The following PRKG1 variants were observed in gnomAD, a reference collection of about 807,000 sequenced individuals.
PRKG1 encodes the protein cGMP-dependent protein kinase 1.
A neutral mutation model predicts 88.1 loss-of-function variants in PRKG1; 35 were observed. That is an observed-to-expected ratio of 0.40 (90% CI 0.30 to 0.53). The LOEUF (loss-of-function observed/expected upper bound fraction) is 0.53, where lower values mean the gene tolerates loss of function less well. PRKG1 is among the 20% of genes least tolerant of loss of function. The pLI, the probability that PRKG1 is intolerant of heterozygous loss-of-function variation, is 0.59. For missense variants in PRKG1, 540 were observed against 839.8 expected (o/e 0.64, Z 4.41); for synonymous variants, 303 against 292.5 (o/e 1.04, Z -0.37).
intron 3 of PRKG1, among the ~76,000 whole-genome samples, chr10:51,470,753 T>G (rs1440872149): frequency 6.6e-6 from 1 of 151,926 alleles, no homozygotes; most frequent in Non-Finnish European, 1.5e-5. Flanking sequence ...AGTAGTTTTC[T>G]TACTAAAGCT....
chr10:51,581,219 G>A (rs1341597830), intron 3 of PRKG1, among the ~76,000 whole-genome samples: 1 of 152,164 alleles, frequency 6.6e-6, no homozygotes, highest in Non-Finnish European at 1.5e-5. Flanking sequence ...ACAATATAGT[G>A]TGTGCATCAG....
In PRKG1 at chr10:51,214,197, C is replaced by T. The variant is rs761853886; in HGVS notation, c.478+60867C>T. Among the ~76,000 whole-genome samples, 139 of 152,092 alleles carry T rather than the reference C, an allele frequency of 9.1e-4. 1 individual carries two copies. The highest frequency in any genetic ancestry group is 1.6e-3 in the Non-Finnish European group (112 of 68,024). On this transcript the variant is annotated intron_variant, in intron 2 of 17. Transcript: ENST00000373980. ...ATATTATATATATGTCACCTATGTA[C>T]ACATATGTACATACACATGTATGAT...
intron 7 of PRKG1, among the ~76,000 whole-genome samples, chr10:52,105,506 G>A (rs535760111): frequency 1.3e-5 from 2 of 152,120 alleles, no homozygotes; most frequent in South Asian, 4.1e-4. Flanking sequence ...GTGCTATGCC[G>A]GACTGCAGAG....
intron 2 of PRKG1, among the ~76,000 whole-genome samples, chr10:51,407,669 A>G (rs551349920): frequency 1.3e-5 from 2 of 152,292 alleles, no homozygotes; most frequent in South Asian, 2.1e-4. Flanking sequence ...TTCCTGGTTG[A>G]GTGACCTAAA....
intron 2 of PRKG1, among the ~76,000 whole-genome samples, chr10:51,348,950 G>GAGCTA (rs1842175914): frequency 6.6e-6 from 1 of 152,210 alleles, no homozygotes; most frequent in Middle Eastern, 3.4e-3. Context: ...GTGAAATCCG[G>GAGCTA]AGCTAGGAAG....
intron 4 of PRKG1, among the ~76,000 whole-genome samples, chr10:51,817,347 A>ACG (rs570863275): frequency 7.7e-6 from 1 of 129,590 alleles, no homozygotes; most frequent in Non-Finnish European, 1.7e-5. Flanking sequence ...TCCCTCCCCA[A>ACG]CCCCCCCCCT....
At chr10:51,628,895 C>CT (rs981636161) in intron 3 of PRKG1, among the ~76,000 whole-genome samples, 2 of 150,396 alleles carry the variant, frequency 1.3e-5, no homozygotes, top group African/African-American at 4.9e-5. Context: ...GGAAGCGGAG[C>CT]TTGCAGTGAG....
intron 5 of PRKG1, among the ~76,000 whole-genome samples, chr10:52,042,966 T>G (rs1231608729): frequency 6.6e-6 from 1 of 152,140 alleles, no homozygotes; most frequent in Non-Finnish European, 1.5e-5. Context: ...GTAACAGGTA[T>G]ATAAAAAATG....
chr10:51,424,014 A>G (rs1346200659), intron 2 of PRKG1, among the ~76,000 whole-genome samples: 1 of 152,172 alleles, frequency 6.6e-6, no homozygotes, highest in East Asian at 1.9e-4. Flanking sequence ...CAAAAATAAT[A>G]CAAAGACTCT....
chr10:52,164,502 C>G (rs1469615015), intron 9 of PRKG1, among the ~76,000 whole-genome samples: 3 of 152,172 alleles, frequency 2.0e-5, no homozygotes, highest in Non-Finnish European at 4.4e-5. Flanking sequence ...CAAGAAGTCT[C>G]TAATCTTATG....
At chr10:51,304,983 T>A (rs1382206820) in intron 2 of PRKG1, among the ~76,000 whole-genome samples, 1 of 152,050 alleles carries the variant, frequency 6.6e-6, no homozygotes. Context: ...GCAAGGCCAT[T>A]CTTTCTATGT....
At chr10:52,033,773 G>A (rs1187596204) in intron 5 of PRKG1, among the ~76,000 whole-genome samples, 1 of 152,134 alleles carries the variant, frequency 6.6e-6, no homozygotes, top group African/African-American at 2.4e-5. Flanking sequence ...ACGTCCGTGT[G>A]AACAGACCAC....
At chr10:51,233,723 T>C (rs1245663949) in intron 2 of PRKG1, among the ~76,000 whole-genome samples, 1 of 152,200 alleles carries the variant, frequency 6.6e-6, no homozygotes, top group Non-Finnish European at 1.5e-5. Flanking sequence ...TTGAGATAAA[T>C]TAGGGAAATT....
At chr10:51,629,250 G>T (rs1020111162) in intron 3 of PRKG1, among the ~76,000 whole-genome samples, 1 of 152,020 alleles carries the variant, frequency 6.6e-6, no homozygotes, top group Admixed American at 6.5e-5. Flanking sequence ...CAACCTTTTT[G>T]GCACCAGAAA....
In PRKG1 at chr10:52,068,202, C is replaced by CAAAAAAAAAAAAAAAAA. The variant is rs71032621; in HGVS notation, c.935+5580_935+5596dup. 7.7e-5 allele frequency among the ~76,000 whole-genome samples: 3 copies of CAAAAAAAAAAAAAAAAA among 38,848 alleles called. 1 individual carries two copies. Among genetic ancestry groups the CAAAAAAAAAAAAAAAAA allele is most frequent in the Non-Finnish European group, 1.4e-4 (3 of 21,100 alleles). The allele number at this position is 38,848 out of a possible 152,430, so 25.5% of individuals were successfully genotyped here. ...TGGGCGACAGAGCGAAACTCCGTCT[C>CAAAAAAAAAAAAAAAAA]AAAAAAAAAAAAAAAAAAAAAAAAA... On this transcript the variant is annotated intron_variant, in intron 7 of 17. Transcript: ENST00000373980.
At chr10:51,128,870 A>G (rs981298744) in intron 1 of PRKG1, among the ~76,000 whole-genome samples, 5 of 152,312 alleles carry the variant, frequency 3.3e-5, no homozygotes, top group Non-Finnish European at 7.4e-5. Flanking sequence ...TTTGGCAACA[A>G]AGACGTTAAT....
At chr10:51,012,224 G>C (rs1220152296) in intron 1 of PRKG1, among the ~76,000 whole-genome samples, 1 of 152,182 alleles carries the variant, frequency 6.6e-6, no homozygotes, top group Non-Finnish European at 1.5e-5. Flanking sequence ...TCCAGCTCAG[G>C]GTAAGGAGGA....
chr10:51,865,885 G>A (rs1481669327), intron 4 of PRKG1, among the ~76,000 whole-genome samples: 1 of 151,820 alleles, frequency 6.6e-6, no homozygotes, highest in East Asian at 1.9e-4. Context: ...TTTAAATAAA[G>A]GCATTTTTAT....
intron 5 of PRKG1, among the ~76,000 whole-genome samples, chr10:52,002,808 C>G (rs1024174325): frequency 1.3e-5 from 2 of 152,134 alleles, no homozygotes; most frequent in Admixed American, 6.5e-5. Context: ...TTTTCTTGCA[C>G]TTTTTCAGCT....
Sources: allele counts gnomAD v4.1 joint callset (sites outside exome capture counted in the v4.1 genomes callset), GRCh38; gene constraint gnomAD v4.1.1; transcripts MANE v1.5; gene names NCBI Gene and HGNC (gene_info 2026-07-23, HGNC 2026-07-21).